Variants in ASIC2 observed in about 807,000 individuals in gnomAD.
ASIC2 encodes the protein acid-sensing ion channel 2.
ASIC2 carries 25 observed loss-of-function variants against 57.3 expected under a neutral mutation model. The ratio of observed to expected loss-of-function variants is 0.44; its 90% CI spans 0.32 to 0.61. The LOEUF is 0.61. ASIC2 is among the 20% of genes least tolerant of loss of function. The pLI, the probability that ASIC2 is intolerant of heterozygous loss-of-function variation, is 0.06. For missense variants in ASIC2, 641 were observed against 738.1 expected, an observed-to-expected ratio of 0.87 and a Z score of 1.52; for synonymous variants, 319 against 307.5, an observed-to-expected ratio of 1.04 and a Z score of -0.39.
rs114828393 is a variant in ASIC2, at chr17:33,299,918, T to C, written c.556-187851A>G. Among the ~76,000 whole-genome samples the C allele has an allele frequency of 4.3e-3, 647 of 152,196 alleles. 4 individuals carry two copies. The highest frequency in any genetic ancestry group is 0.015 in the African/African-American group (607 of 41,520). ...CAGCGGAGGAAGTCAAGGTCCAGAG[T>C]TGGGAGAGACTTGCTGTAAATCACA... On this transcript the variant is annotated intron_variant, in intron 1 of 9. Coordinates refer to the ASIC2 transcript ENST00000359872.
intron 1 of ASIC2, among the ~76,000 whole-genome samples, chr17:34,021,075 T>C (rs982691605): frequency 6.6e-6 from 1 of 151,934 alleles, no homozygotes; most frequent in South Asian, 2.1e-4. Flanking sequence ...TACGGTGGAC[T>C]CTGGGGACTC....
intron 1 of ASIC2, among the ~76,000 whole-genome samples, chr17:33,868,226 G>C (rs919341981): frequency 2.0e-5 from 3 of 151,700 alleles, no homozygotes; most frequent in Admixed American, 1.3e-4. Flanking sequence ...TGTGAAGGAA[G>C]AGATAATAAA....
At chr17:33,269,134 C>G (rs977439182) in intron 1 of ASIC2, among the ~76,000 whole-genome samples, 1 of 152,150 alleles carries the variant, frequency 6.6e-6, no homozygotes, top group African/African-American at 2.4e-5. Context: ...TACTTGCTTT[C>G]CTGGGGCCCC....
intron 1 of ASIC2, among the ~76,000 whole-genome samples, chr17:33,865,753 A>T (rs529702999): frequency 1.1e-5 from 1 of 91,966 alleles, no homozygotes; most frequent in Non-Finnish European, 2.3e-5. Flanking sequence ...TATAATAAAA[A>T]AAAAATAAAA....
intron 1 of ASIC2, among the ~76,000 whole-genome samples, chr17:33,142,339 T>A (rs555345842): frequency 1.8e-4 from 27 of 152,350 alleles, no homozygotes; most frequent in African/African-American, 5.3e-4. Context: ...GAGTATTTGG[T>A]TGTGATAAAA....
chr17:33,622,429 A>G (rs1905832700), intron 1 of ASIC2, among the ~76,000 whole-genome samples: 1 of 152,234 alleles, frequency 6.6e-6, no homozygotes, highest in African/African-American at 2.4e-5. Context: ...TGAGAGAGAA[A>G]GAATGGCAGA....
chr17:33,782,026 A>C (rs1911470077), intron 1 of ASIC2, among the ~76,000 whole-genome samples: 1 of 152,092 alleles, frequency 6.6e-6, no homozygotes, highest in Non-Finnish European at 1.5e-5. Flanking sequence ...GCATTCTCCC[A>C]CAGCAGGCAG....
chr17:33,273,912 T>C (rs1328745775), intron 1 of ASIC2, among the ~76,000 whole-genome samples: 1 of 152,200 alleles, frequency 6.6e-6, no homozygotes, highest in African/African-American at 2.4e-5. Flanking sequence ...CTCTGCTTTG[T>C]GCCAGGCTCC....
At chr17:33,905,710 C>T (rs1284357440) in intron 1 of ASIC2, among the ~76,000 whole-genome samples, 2 of 152,222 alleles carry the variant, frequency 1.3e-5, no homozygotes, top group Non-Finnish European at 2.9e-5. Flanking sequence ...AGCCGTTCCT[C>T]ACCCTGCTGG....
intron 1 of ASIC2, among the ~76,000 whole-genome samples, chr17:33,775,807 C>G (rs565310205): frequency 7.9e-5 from 12 of 152,250 alleles, no homozygotes; most frequent in African/African-American, 2.6e-4. Context: ...GGGGCTCTGA[C>G]CTTCAGTGAT....
chr17:33,178,701 C>T (rs1249911941), intron 1 of ASIC2, among the ~76,000 whole-genome samples: 2 of 152,192 alleles, frequency 1.3e-5, no homozygotes, highest in Non-Finnish European at 2.9e-5. Context: ...CACTGCGTCC[C>T]TCCACCAACC....
chr17:33,625,021 G>T (rs992603474), intron 1 of ASIC2, among the ~76,000 whole-genome samples: 4 of 152,176 alleles, frequency 2.6e-5, no homozygotes, highest in Non-Finnish European at 5.9e-5. Context: ...CCCTTGTGTG[G>T]ATCCCTTCTT....
Position 33,038,119 on chromosome 17 carries a change from G to A in ASIC2, c.988-9727C>T, listed in dbSNP as rs531504725. 2.0e-5 allele frequency among the ~76,000 whole-genome samples: 3 copies of A among 152,314 alleles called. No individual in the cohort carries two copies. In the East Asian group the frequency reaches 5.8e-4, roughly 29 times the overall value. ...TGTGTGACTTTGGGTAAGCTACACAGCCCCATCCCTCAGCCCCAGCTTTTA... is the reference window on the plus strand; with the variant it reads ...TGTGTGACTTTGGGTAAGCTACACAACCCCATCCCTCAGCCCCAGCTTTTA... On this transcript the variant is annotated intron_variant, in intron 3 of 9. Coordinates refer to ENST00000225823, the MANE Select transcript of ASIC2 (RefSeq NM_183377.2).
At chr17:33,036,999 T>G (rs12936388) in intron 3 of ASIC2, among the ~76,000 whole-genome samples, 114,903 of 151,822 alleles carry the variant, frequency 0.76, 43,622 homozygotes, top group Admixed American at 0.83. Flanking sequence ...GATAACTATT[T>G]GGTATTGAGC....
chr17:33,905,740 C>T (rs115658644), intron 1 of ASIC2, among the ~76,000 whole-genome samples: 5 of 152,130 alleles, frequency 3.3e-5, no homozygotes, highest in Admixed American at 6.5e-5. Flanking sequence ...ATGTGATAGT[C>T]TGACATCAGA....
At chr17:33,330,257 G>T (rs1352124569) in intron 1 of ASIC2, among the ~76,000 whole-genome samples, 3 of 152,030 alleles carry the variant, frequency 2.0e-5, no homozygotes, top group Non-Finnish European at 4.4e-5. Flanking sequence ...CCATCTGCTT[G>T]GTGAGTCTAC....
chr17:34,098,614 G>A (rs566083704), intron 1 of ASIC2, among the ~76,000 whole-genome samples: 1 of 152,186 alleles, frequency 6.6e-6, no homozygotes, highest in Non-Finnish European at 1.5e-5. Context: ...AAAAGCAAAG[G>A]CTCAGACTGC....
intron 1 of ASIC2, among the ~76,000 whole-genome samples, chr17:33,991,996 A>C (rs953765688): frequency 2.6e-5 from 4 of 152,188 alleles, no homozygotes; most frequent in Non-Finnish European, 4.4e-5. Context: ...GCCCAGTAGC[A>C]GAGTAGTAAC....
chr17:33,877,729 A>G (rs1914588815), intron 1 of ASIC2, among the ~76,000 whole-genome samples: 1 of 152,238 alleles, frequency 6.6e-6, no homozygotes, highest in Admixed American at 6.5e-5. Flanking sequence ...GCAGACTTAA[A>G]TGTCCCTGTA....
Sources: gnomAD v4.1 joint callset for allele counts (sites outside exome capture counted in the v4.1 genomes callset) on GRCh38, gnomAD v4.1.1 for gene constraint, MANE v1.5 for transcripts, NCBI Gene and HGNC (gene_info 2026-07-23, HGNC 2026-07-21) for gene names.